GSAP: variants seen among roughly 807,000 people sequenced by gnomAD.
GSAP encodes the protein gamma-secretase-activating protein.
Under a neutral mutation model 131.7 loss-of-function variants are expected in GSAP, and 118 were observed. The observed-to-expected ratio is 0.90, with a 90% CI of 0.77 to 1.04. The LOEUF (loss-of-function observed/expected upper bound fraction) is 1.04. Among genes scored for constraint, GSAP ranks in the 50% least tolerant of loss-of-function variants. The pLI, the probability that GSAP is intolerant of heterozygous loss-of-function variation, is 0.00. For missense variants in GSAP, 1,019 were observed against 1,013.2 expected (o/e 1.01, Z -0.08); for synonymous variants, 381 against 363.4 (o/e 1.05, Z -0.55).
chr7:77,393,696 CAG>C (rs1474721504), intron 5 of GSAP, among the ~76,000 whole-genome samples: 31 of 134,220 alleles, frequency 2.3e-4, no homozygotes, highest in African/African-American at 8.4e-4. Context: ...TTTTTTGAGA[CAG>C]AGTCTCACTG....
chr7:77,385,064 C>T (rs1324353679), intron 6 of GSAP, among the ~76,000 whole-genome samples: 6 of 140,860 alleles, frequency 4.3e-5, no homozygotes, highest in Non-Finnish European at 7.6e-5. Flanking sequence ...GATGGAGTTT[C>T]GCTCTGTTGC....
intron 19 of GSAP, among the ~76,000 whole-genome samples, chr7:77,341,778 A>C (rs1790936021): frequency 6.6e-6 from 1 of 152,190 alleles, no homozygotes; most frequent in Admixed American, 6.5e-5. Context: ...AACAGGACTT[A>C]ACTAACCTCA....
At chr7:77,415,376 A>G (rs1036805764) in intron 1 of GSAP, 1 of 152,260 alleles carries the variant, frequency 6.6e-6, no homozygotes, top group African/African-American at 2.4e-5. Flanking sequence ...CATTGCTTTG[A>G]AGCTGCATTT....
chr7:77,378,513 A>C (rs1471360993), intron 8 of GSAP, among the ~76,000 whole-genome samples: 1 of 149,448 alleles, frequency 6.7e-6, no homozygotes, highest in African/African-American at 2.5e-5. Context: ...AACAAAACAA[A>C]AAACAACAAA....
chr7:77,405,886 G>A, intron 2 of GSAP, 143 bp downstream of exon 2: 1 of 300,632 alleles, frequency 3.3e-6, no homozygotes, highest in South Asian at 4.6e-5. Context: ...CACACACAAA[G>A]TCATATGTTA....
rs370849463 is a variant in GSAP, at chr7:77,312,126, C to T, written c.2348G>A (p.Arg783Gln). The T allele has an allele frequency of 9.4e-6, 15 of 1,598,234 alleles. No individual in the cohort carries two copies. The highest frequency in any genetic ancestry group is 6.8e-5 in the African/African-American group (5 of 74,048). ...CTGTTTCTTATAGTTCTGAAGCAGT[C>T]GCGTCACGTGGTTCCGCGAAATGAT... ...SNIISRNHVT[R>Q]LLQNYKKQPR... The change falls in exon 29 of 31, where the codon CGA becomes CAA. Residue 783 changes from arginine to glutamine, a missense_variant. By Grantham distance (43) the Arg-to-Gln change is conservative. Transcript: ENST00000257626.
intron 5 of GSAP, among the ~76,000 whole-genome samples, chr7:77,390,495 C>T (rs1226712907): frequency 6.6e-6 from 1 of 152,118 alleles, no homozygotes; most frequent in Non-Finnish European, 1.5e-5. Flanking sequence ...TTTCAGCTTT[C>T]TACATATGGC....
intron 12 of GSAP, among the ~76,000 whole-genome samples, chr7:77,372,257 A>C (rs1371987517): frequency 6.6e-6 from 1 of 152,264 alleles, no homozygotes; most frequent in Non-Finnish European, 1.5e-5. Flanking sequence ...AAAGAAAAGA[A>C]AGGCAGGGAG....
chr7:77,361,265 A>G (rs1304049220), intron 13 of GSAP, among the ~76,000 whole-genome samples: 2 of 152,216 alleles, frequency 1.3e-5, no homozygotes, highest in Non-Finnish European at 2.9e-5. Context: ...TGCAGTCATT[A>G]AGACCCTCTG....
At chr7:77,341,141 G>A (rs964671922) in intron 19 of GSAP, among the ~76,000 whole-genome samples, 1 of 152,048 alleles carries the variant, frequency 6.6e-6, no homozygotes, top group Non-Finnish European at 1.5e-5. Flanking sequence ...TTGAAAAATG[G>A]GCAAATGGGT....
chr7:77,366,217 G>C (rs1317630631), intron 12 of GSAP, among the ~76,000 whole-genome samples: 2 of 152,062 alleles, frequency 1.3e-5, no homozygotes, highest in African/African-American at 4.8e-5. Context: ...TTCTTTTGCT[G>C]TGCAGAAGCT....
In GSAP at chr7:77,349,359, G is replaced by C. The variant is rs1439347361; in HGVS notation, c.1537C>G (p.Leu513Val). ...TLVTEDIALP[L>V]MKVLSFKGYW... The stretch of plus-strand genomic sequence containing the variant: ...TGCTGTAAGGGACCTACCTTCATAA[G>C]AGGCAATGCAATGTCTTCTGTCACA... Residue 513 changes from leucine to valine, a missense_variant, in exon 19 of 31, where the codon CTT becomes GTT. Physicochemically the swap from Leu to Val is conservative, Grantham distance 32. Transcript: ENST00000257626. 6.2e-7 allele frequency: 1 copy of C among 1,610,740 alleles called. No homozygotes were observed. The highest frequency in any genetic ancestry group is 1.3e-5 in the African/African-American group (1 of 74,828).
intron 8 of GSAP, among the ~76,000 whole-genome samples, chr7:77,378,185 G>A (rs751436742): frequency 6.6e-6 from 1 of 152,122 alleles, no homozygotes; most frequent in Non-Finnish European, 1.5e-5. Flanking sequence ...ATGTTTGTTT[G>A]GAAGGCGGAA....
intron 16 of GSAP, 167 bp from the exon 17 acceptor site, chr7:77,353,808 G>T: frequency 2.0e-6 from 1 of 493,774 alleles, no homozygotes; most frequent in South Asian, 3.3e-5. Flanking sequence ...TGCAATTCTG[G>T]GTAGGTAAAA....
At position 77,405,161 on chromosome 7, in the gene GSAP, A is replaced by C. The variant is rs142732225; in HGVS notation, c.187-546T>G. On this transcript the variant is annotated intron_variant, in intron 2 of 30. Coordinates refer to ENST00000257626, the MANE Select transcript of GSAP (RefSeq NM_017439.4). ...AACACATTGTTAAATAACATGCTTC[A>C]CATGCCTATAGTCCTAGCTACTGGG... 3.3e-4 allele frequency among the ~76,000 whole-genome samples: 50 copies of C among 152,334 alleles called. No homozygotes were observed. In the East Asian group the frequency reaches 9.6e-3, roughly 29 times the overall value.
intron 24 of GSAP, 25 bp downstream of exon 24, chr7:77,323,622 G>A: frequency 8.2e-7 from 1 of 1,219,532 alleles, no homozygotes; most frequent in Non-Finnish European, 1.2e-6. Flanking sequence ...AGGGGCATAT[G>A]AGGAGAATAA....
At chr7:77,400,175 C>T (rs1055190863) in intron 3 of GSAP, among the ~76,000 whole-genome samples, 4 of 152,126 alleles carry the variant, frequency 2.6e-5, no homozygotes, top group East Asian at 1.9e-4. Context: ...CCCCCTTCTG[C>T]GAGAAGAGTA....
intron 1 of GSAP, among the ~76,000 whole-genome samples, chr7:77,413,933 TATC>T (rs1803801599): frequency 6.6e-6 from 1 of 152,008 alleles, no homozygotes; most frequent in Non-Finnish European, 1.5e-5. Flanking sequence ...TTTTAACAAA[TATC>T]TTCTTTTATT....
intron 1 of GSAP, among the ~76,000 whole-genome samples, chr7:77,414,872 T>TTA (rs1804022309): frequency 1.3e-5 from 1 of 78,438 alleles, no homozygotes; most frequent in African/African-American, 5.1e-5. Context: ...TTTTTTTTTT[T>TTA]TTTGAGACGG....
Sources: allele counts gnomAD v4.1 joint callset (sites outside exome capture counted in the v4.1 genomes callset), GRCh38; gene constraint gnomAD v4.1.1; transcripts MANE v1.5; gene names NCBI Gene and HGNC (gene_info 2026-07-23, HGNC 2026-07-21).